The following IGFL2 variants were observed in gnomAD, a reference collection of about 807,000 sequenced individuals.
IGFL2 encodes the protein insulin growth factor-like family member 2.
In IGFL2, 7 loss-of-function variants were observed where a neutral mutation model predicts 13.9. The observed-to-expected ratio is 0.51, with a 90% CI of 0.29 to 0.95. The LOEUF (loss-of-function observed/expected upper bound fraction) is 0.95, where lower values mean the gene tolerates loss of function less well. Ranked by LOEUF, IGFL2 falls within the 40% of genes least tolerant of loss-of-function variation. IGFL2 has a pLI of 0.08. For missense variants in IGFL2, 138 were observed against 147.8 expected, an observed-to-expected ratio of 0.93 and a Z score of 0.34; for synonymous variants, 55 against 55.8, an observed-to-expected ratio of 0.99 and a Z score of 0.07.
the IGFL2 span, among the ~76,000 whole-genome samples, chr19:46,116,425 C>T: frequency 3.3e-5 from 5 of 152,216 alleles, no homozygotes; most frequent in Non-Finnish European, 5.9e-5. Context: ...TAAAAAAATA[C>T]ATTGCTTTGC....
chr19:46,148,794 C>A, intron 1 of IGFL2: 1 of 1,405,850 alleles, frequency 7.1e-7, no homozygotes, highest in East Asian at 2.5e-5. Flanking sequence ...CCAGAGGTCC[C>A]CTGCCAGCTC....
the IGFL2 span, among the ~76,000 whole-genome samples, chr19:46,121,877 G>A: frequency 6.6e-6 from 1 of 150,872 alleles, no homozygotes; most frequent in Non-Finnish European, 1.5e-5. Context: ...ACTGATAATG[G>A]TAAGGTTGCA....
chr19:46,162,639 C>T (rs1974218146), downstream of IGFL2, among the ~76,000 whole-genome samples: 1 of 152,200 alleles, frequency 6.6e-6, no homozygotes, highest in Admixed American at 6.5e-5. Flanking sequence ...TTATTCAGCT[C>T]TGCCAGACCT....
the IGFL2 span, among the ~76,000 whole-genome samples, chr19:46,188,691 C>T: frequency 6.6e-6 from 1 of 152,208 alleles, no homozygotes; most frequent in Non-Finnish European, 1.5e-5. Context: ...CCAGCTGGCC[C>T]CTATGGCCAT....
chr19:46,177,398 A>T, the IGFL2 span, among the ~76,000 whole-genome samples: 89 of 152,310 alleles, frequency 5.8e-4, no homozygotes, highest in African/African-American at 2.1e-3. Flanking sequence ...GTCTCAAAAC[A>T]ATATACAGAT....
At chr19:46,208,500 G>T in the IGFL2 span, 4 of 152,242 alleles carry the variant, frequency 2.6e-5, no homozygotes, top group African/African-American at 9.7e-5. Flanking sequence ...TAGAAACCAA[G>T]CTTGGGCACT....
the IGFL2 span, among the ~76,000 whole-genome samples, chr19:46,120,641 A>G: frequency 1.3e-5 from 2 of 151,110 alleles, 1 homozygote; most frequent in East Asian, 3.9e-4. Flanking sequence ...ATGCAATGCA[A>G]TAGAAATCTG....
the IGFL2 span, among the ~76,000 whole-genome samples, chr19:46,210,990 G>C: frequency 1.3e-5 from 2 of 152,174 alleles, no homozygotes; most frequent in African/African-American, 4.8e-5. Flanking sequence ...GGATACATTT[G>C]AATCTCTGGT....
chr19:46,191,056 G>A, the IGFL2 span, among the ~76,000 whole-genome samples: 2 of 152,062 alleles, frequency 1.3e-5, no homozygotes, highest in Non-Finnish European at 2.9e-5. Context: ...TGGGGGAGAA[G>A]CAGGTATGTT....
upstream of IGFL2, among the ~76,000 whole-genome samples, chr19:46,143,892 G>A (rs555876563): frequency 9.0e-4 from 137 of 152,208 alleles, 2 homozygotes; most frequent in Middle Eastern, 0.017. Flanking sequence ...GACCCAACAC[G>A]TGGCCTCTGT....
the IGFL2 span, among the ~76,000 whole-genome samples, chr19:46,186,357 G>A: frequency 6.6e-6 from 1 of 152,154 alleles, no homozygotes; most frequent in South Asian, 2.1e-4. Context: ...CTGGCGCTCC[G>A]GAGAATTTTG....
In IGFL2 at chr19:46,160,668, A is replaced by C; in HGVS notation, c.128A>C (p.Lys43Thr). The C allele has an allele frequency of 1.2e-6, 2 of 1,614,184 alleles. No homozygotes were observed. ...CAGCCGGCACCCAGGTGTGGAGACA[A>C]GATCTACAACCCCTTGGAGCAGTGC... Reference protein sequence around the residue: ...LCQPAPRCGDKIYNPLEQCCY... With the variant: ...LCQPAPRCGDTIYNPLEQCCY... The change falls in exon 3 of 4, where the codon AAG becomes ACG. Residue 43 changes from lysine (K) to threonine (T), a missense_variant. By Grantham distance (78) the Lys-to-Thr change is moderately conservative (BLOSUM62 -1). Coordinates refer to ENST00000377693, the MANE Select transcript of IGFL2 (RefSeq NM_001135113.2).
intron 1 of IGFL2, among the ~76,000 whole-genome samples, chr19:46,158,852 C>A (rs13346568): frequency 3.3e-5 from 5 of 152,082 alleles, no homozygotes; most frequent in Admixed American, 1.3e-4. Context: ...AGGGCTCCCC[C>A]ACAAGTTGTG....
At chr19:46,179,168 G>A in the IGFL2 span, among the ~76,000 whole-genome samples, 1 of 151,674 alleles carries the variant, frequency 6.6e-6, no homozygotes, top group Non-Finnish European at 1.5e-5. Flanking sequence ...TAGTTGTGGG[G>A]TGCAGAGTCT....
the IGFL2 span, among the ~76,000 whole-genome samples, chr19:46,130,252 G>A: frequency 1.3e-5 from 2 of 152,110 alleles, no homozygotes; most frequent in Non-Finnish European, 2.9e-5. Flanking sequence ...GGGTGTAATT[G>A]CATGTGAGAT....
At chr19:46,118,045 T>A in the IGFL2 span, among the ~76,000 whole-genome samples, 2 of 152,208 alleles carry the variant, frequency 1.3e-5, no homozygotes, top group African/African-American at 4.8e-5. Flanking sequence ...TCCTGTGTTT[T>A]GCCATCCCCA....
At chr19:46,104,913 C>T in the IGFL2 span, among the ~76,000 whole-genome samples, 4 of 152,130 alleles carry the variant, frequency 2.6e-5, no homozygotes, top group Non-Finnish European at 5.9e-5. Flanking sequence ...AACCATTTGC[C>T]TTGTGTGAGA....
chr19:46,214,889 G>C, the IGFL2 span: 1 of 122,442 alleles, frequency 8.2e-6, no homozygotes, highest in Non-Finnish European at 1.9e-5. Flanking sequence ...ACACACGCGT[G>C]CGCGCACACA....
chr19:46,170,334 C>G, the IGFL2 span, among the ~76,000 whole-genome samples: 1 of 152,168 alleles, frequency 6.6e-6, no homozygotes, highest in African/African-American at 2.4e-5. Context: ...TATCACTTCC[C>G]CAATCAATAC....
Sources: allele counts gnomAD v4.1 joint callset (sites outside exome capture counted in the v4.1 genomes callset), GRCh38; gene constraint gnomAD v4.1.1; transcripts MANE v1.5; gene names NCBI Gene and HGNC (gene_info 2026-07-23, HGNC 2026-07-21).